DISC1: variants seen among roughly 807,000 people sequenced by gnomAD.
DISC1 encodes disrupted in schizophrenia 1 protein.
DISC1 carries 57 observed loss-of-function variants against 84.5 expected under a neutral mutation model. That is an observed-to-expected ratio of 0.67 (90% CI 0.55 to 0.84). The LOEUF (loss-of-function observed/expected upper bound fraction) is 0.84. Among genes scored for constraint, DISC1 ranks in the 40% least tolerant of loss-of-function variants. The pLI, the probability that DISC1 is intolerant of heterozygous loss-of-function variation, is 0.00. For synonymous variants in DISC1, 411 were observed against 415.2 expected (o/e 0.99, Z 0.12); for missense variants, 1,000 against 1,057.8 (o/e 0.95, Z 0.76).
chr1:231,911,399 T>C (rs1344113410), intron 9 of DISC1, among the ~76,000 whole-genome samples: 2 of 152,174 alleles, frequency 1.3e-5, no homozygotes, highest in Non-Finnish European at 2.9e-5. Flanking sequence ...AGCATTTGCT[T>C]GTCTATAAAG....
chr1:231,730,863 G>A (rs2071423381), intron 3 of DISC1, among the ~76,000 whole-genome samples: 2 of 152,144 alleles, frequency 1.3e-5, no homozygotes, highest in Non-Finnish European at 2.9e-5. Flanking sequence ...GGTGATGACT[G>A]AATATATGTC....
At chr1:232,024,210 C>T (rs1175845555) in intron 11 of DISC1, among the ~76,000 whole-genome samples, 1 of 152,056 alleles carries the variant, frequency 6.6e-6, no homozygotes, top group Non-Finnish European at 1.5e-5. Flanking sequence ...TATGTTATTG[C>T]CACTAGATTT....
At chr1:231,924,951 C>G (rs796167216) in intron 9 of DISC1, among the ~76,000 whole-genome samples, 4 of 134,004 alleles carry the variant, frequency 3.0e-5, no homozygotes, top group South Asian at 2.4e-4. Flanking sequence ...TCACTGCGCC[C>G]GGCCTTTTTT....
intron 9 of DISC1, among the ~76,000 whole-genome samples, chr1:231,948,677 C>A (rs1040702548): frequency 6.6e-6 from 1 of 151,728 alleles, no homozygotes; most frequent in African/African-American, 2.4e-5. Context: ...AGAACACAAA[C>A]CAGAATTGAA....
At chr1:231,961,503 A>G (rs1278897805) in intron 10 of DISC1, among the ~76,000 whole-genome samples, 2 of 152,026 alleles carry the variant, frequency 1.3e-5, no homozygotes, top group Non-Finnish European at 2.9e-5. Context: ...TAAGCACAGT[A>G]CCCCTGGAAT....
chr1:232,017,017 A>C (rs981828301), intron 11 of DISC1, among the ~76,000 whole-genome samples: 2 of 152,234 alleles, frequency 1.3e-5, no homozygotes, highest in Non-Finnish European at 2.9e-5. Flanking sequence ...AAACACCATA[A>C]AATCTATGTC....
At chr1:231,949,739 C>A (rs16855691) in intron 9 of DISC1, among the ~76,000 whole-genome samples, 5,358 of 152,288 alleles carry the variant, frequency 0.035, 297 homozygotes, top group East Asian at 0.28. Flanking sequence ...ACCCATCAGA[C>A]CCACAAGCTC....
chr1:231,724,774 G>A (rs569150164), intron 3 of DISC1, among the ~76,000 whole-genome samples: 21 of 152,302 alleles, frequency 1.4e-4, no homozygotes, highest in African/African-American at 7.2e-5. Flanking sequence ...GGCATTTGGC[G>A]TTTGGTTGTC....
At chr1:231,907,028 T>C (rs1231620313) in intron 9 of DISC1, among the ~76,000 whole-genome samples, 2 of 27,574 alleles carry the variant, frequency 7.3e-5, no homozygotes, top group Non-Finnish European at 1.5e-4. Context: ...TTCTTCTCTC[T>C]CTCTCTTTCT....
At chr1:231,866,441 A>G (rs1574324972) in intron 9 of DISC1, 1 of 740,014 alleles carries the variant, frequency 1.4e-6, no homozygotes, top group Non-Finnish European at 2.5e-6. Context: ...AACATCAATG[A>G]TAATGACCAA....
rs376833864 is a variant in DISC1, at chr1:232,008,506, CT to C, written c.2043-278del. Among the ~76,000 whole-genome samples, 743 of 152,266 alleles carry C rather than the reference CT, an allele frequency of 4.9e-3. 8 individuals are homozygous for C. Among genetic ancestry groups the C allele is most frequent in the African/African-American group, 0.016 (678 of 41,554 alleles). ...CTGGTAACACATATATGAGCAGAAACTGTGTTGTATTGGGCTGCTGAGTCTG... is the reference window on the plus strand; with the variant it reads ...CTGGTAACACATATATGAGCAGAAACGTGTTGTATTGGGCTGCTGAGTCTG... On this transcript the variant is annotated intron_variant, in intron 10 of 12. Coordinates refer to ENST00000439617, the MANE Select transcript of DISC1 (RefSeq NM_018662.3).
intron 6 of DISC1, chr1:231,771,521 G>T: frequency 1.0e-6 from 1 of 985,386 alleles, no homozygotes; most frequent in Non-Finnish European, 1.2e-6. Context: ...GATTGTTACT[G>T]GTAGCTAAAA....
At chr1:231,858,257 C>T (rs1221432803) in intron 9 of DISC1, among the ~76,000 whole-genome samples, 2 of 152,262 alleles carry the variant, frequency 1.3e-5, no homozygotes, top group Admixed American at 1.3e-4. Flanking sequence ...CCTGGCTAAG[C>T]ATCCGGGCCA....
At chr1:231,802,945 T>G (rs1477674499) in intron 8 of DISC1, among the ~76,000 whole-genome samples, 1 of 152,200 alleles carries the variant, frequency 6.6e-6, no homozygotes, top group African/African-American at 2.4e-5. Context: ...ATGCCTCGAT[T>G]TTAGGATTTT....
At chr1:231,662,107 G>T (rs1249081312) in intron 1 of DISC1, among the ~76,000 whole-genome samples, 1 of 152,184 alleles carries the variant, frequency 6.6e-6, no homozygotes, top group Non-Finnish European at 1.5e-5. Flanking sequence ...AAAGATGGCT[G>T]CCAGCTCCTT....
At chr1:231,725,052 G>A (rs1368506996) in intron 3 of DISC1, among the ~76,000 whole-genome samples, 3 of 152,044 alleles carry the variant, frequency 2.0e-5, no homozygotes, top group Non-Finnish European at 4.4e-5. Flanking sequence ...CTCGTGGCCT[G>A]TTATGGCTTT....
At position 231,630,976 on chromosome 1, in the gene DISC1, G is replaced by T. The variant is rs2058663761; in HGVS notation, c.67+4042G>T. Among the ~76,000 whole-genome samples the T allele has an allele frequency of 6.6e-6, 1 of 152,132 alleles. No individual in the cohort carries two copies. Among genetic ancestry groups the T allele is most frequent in the Non-Finnish European group, 1.5e-5 (1 of 68,020 alleles). ...GTGCACAGCCCCTTATATGACTACT[G>T]GTCCTGTATCTGCTTCCTTTCCCTG... On this transcript the variant is annotated intron_variant, in intron 1 of 12. Coordinates refer to ENST00000439617, the MANE Select transcript of DISC1 (RefSeq NM_018662.3). This position sits in a 1 kb window ranked among gnomAD's most constrained non-coding sequence, Gnocchi z 4.4.
chr1:231,952,617 A>G lies in DISC1; in HGVS notation c.1982-6211A>G, dbSNP rs138752082. 6.0e-5 allele frequency among the ~76,000 whole-genome samples: 9 copies of G among 150,960 alleles called. No homozygotes were observed. In the East Asian group the frequency reaches 9.7e-4, roughly 16 times the overall value. On this transcript the variant is annotated intron_variant, in intron 9 of 12. Transcript: ENST00000439617. ...GAGCCAATGTAGATATATGCTTTAG[A>G]AAGTTGTTAATCATTTTCTCATTGC...
At chr1:231,634,835 CAGG>C (rs2059056704) in intron 1 of DISC1, among the ~76,000 whole-genome samples, 2 of 151,872 alleles carry the variant, frequency 1.3e-5, no homozygotes, top group Admixed American at 1.3e-4. Flanking sequence ...TGCTTGAGGC[CAGG>C]AGTTCAAGGT....
Sources: allele counts gnomAD v4.1 joint callset (sites outside exome capture counted in the v4.1 genomes callset), GRCh38; gene constraint gnomAD v4.1.1; non-coding constraint Gnocchi (gnomAD v3.1); transcripts MANE v1.5; gene names NCBI Gene and HGNC (gene_info 2026-07-23, HGNC 2026-07-21).